The following CYSTM1 variants were observed in gnomAD, a reference collection of about 807,000 sequenced individuals.
CYSTM1 encodes cysteine rich transmembrane module containing 1, also known as cysteine-rich transmembrane module-containing protein 1.
In CYSTM1, 4 loss-of-function variants were observed where a neutral mutation model predicts 13.1. The ratio of observed to expected loss-of-function variants is 0.31; its 90% CI spans 0.15 to 0.70. The LOEUF (loss-of-function observed/expected upper bound fraction) is 0.70, where lower values mean the gene tolerates loss of function less well. CYSTM1 is among the 30% of genes least tolerant of loss of function. The pLI is 0.72. For synonymous variants in CYSTM1, 36 were observed against 42.7 expected (o/e 0.84, Z 0.62); for missense variants, 96 against 121.6 (o/e 0.79, Z 0.99).
intron 1 of CYSTM1, among the ~76,000 whole-genome samples, chr5:140,180,092 T>G (rs1199293201): frequency 6.6e-6 from 1 of 151,930 alleles, no homozygotes; most frequent in African/African-American, 2.4e-5. Context: ...ACAGCAAGAG[T>G]ATTATCAGAA....
At position 140,187,188 on chromosome 5, in the gene CYSTM1, C is replaced by G. The variant is rs62383937; in HGVS notation, c.-20-7258C>G. 7.5e-4 allele frequency among the ~76,000 whole-genome samples: 108 copies of G among 144,562 alleles called. No individual in the cohort carries two copies. In the Middle Eastern group the frequency reaches 0.022, roughly 29 times the overall value. 94.8% of individuals were successfully genotyped at this position (144,562 alleles called of 152,430 possible). Reference sequence around the variant, plus strand: ...TTCTAAAACTTTTTTTTTTTTTTACCTGAACAAACTGCACCCAAAATTATA... The same window carrying G: ...TTCTAAAACTTTTTTTTTTTTTTACGTGAACAAACTGCACCCAAAATTATA... On this transcript the variant is annotated intron_variant, in intron 1 of 2. Transcript: ENST00000261811.
chr5:140,190,956 C>G (rs1213703574), intron 1 of CYSTM1, among the ~76,000 whole-genome samples: 1 of 152,230 alleles, frequency 6.6e-6, no homozygotes, highest in African/African-American at 2.4e-5. Flanking sequence ...TTACAAAGTT[C>G]AGTATCATAC....
chr5:140,217,094 C>CT (rs756981239), intron 2 of CYSTM1, among the ~76,000 whole-genome samples: 2 of 151,742 alleles, frequency 1.3e-5, no homozygotes, highest in Non-Finnish European at 2.9e-5. Flanking sequence ...TTTTTTCTTT[C>CT]TTTTTTAAGT....
At chr5:140,235,084 A>G (rs888186034) in intron 2 of CYSTM1, among the ~76,000 whole-genome samples, 8 of 151,536 alleles carry the variant, frequency 5.3e-5, no homozygotes, top group Non-Finnish European at 8.8e-5. Flanking sequence ...CTCCTGCCTC[A>G]GCCTCCTAAG....
At chr5:140,185,893 T>C (rs751232057) in intron 1 of CYSTM1, among the ~76,000 whole-genome samples, 24 of 152,218 alleles carry the variant, frequency 1.6e-4, no homozygotes, top group African/African-American at 3.6e-4. Context: ...ACTCTTCCGA[T>C]TGGGGAGTCA....
At chr5:140,209,681 C>G (rs988490293) in intron 2 of CYSTM1, among the ~76,000 whole-genome samples, 3 of 152,046 alleles carry the variant, frequency 2.0e-5, no homozygotes, top group African/African-American at 7.2e-5. Context: ...ACCTGCCTTG[C>G]CCTCCCAAAG....
At chr5:140,227,320 G>C (rs1348191080) in intron 2 of CYSTM1, among the ~76,000 whole-genome samples, 1 of 152,160 alleles carries the variant, frequency 6.6e-6, no homozygotes, top group Non-Finnish European at 1.5e-5. Flanking sequence ...CATGGGCAGG[G>C]GGGAGAGGGT....
chr5:140,176,993 C>T (rs768434540), intron 1 of CYSTM1, among the ~76,000 whole-genome samples: 1 of 144,222 alleles, frequency 6.9e-6, no homozygotes. Context: ...GGCGTGAACC[C>T]GGGAGGTGGA....
chr5:140,221,801 T>A (rs149135376), intron 2 of CYSTM1, among the ~76,000 whole-genome samples: 144 of 152,374 alleles, frequency 9.5e-4, no homozygotes, highest in African/African-American at 3.4e-3. Context: ...AAAGTCAGCT[T>A]TACTCACCAT....
chr5:140,180,672 C>G (rs1763951664), intron 1 of CYSTM1, among the ~76,000 whole-genome samples: 1 of 152,028 alleles, frequency 6.6e-6, no homozygotes, highest in Non-Finnish European at 1.5e-5. Context: ...TTTAGGCCTC[C>G]AAGTCAGATC....
At chr5:140,224,823 G>A (rs1764530029) in intron 2 of CYSTM1, among the ~76,000 whole-genome samples, 1 of 152,184 alleles carries the variant, frequency 6.6e-6, no homozygotes, top group South Asian at 2.1e-4. Context: ...GCCCAGCCTG[G>A]CATTGTGTTT....
intron 1 of CYSTM1, among the ~76,000 whole-genome samples, chr5:140,188,252 G>A (rs1019651776): frequency 6.6e-6 from 1 of 151,376 alleles, no homozygotes; most frequent in African/African-American, 2.4e-5. Context: ...TTTGCGGGGG[G>A]AAGGGGGGAG....
At chr5:140,180,362 G>A (rs902264629) in intron 1 of CYSTM1, among the ~76,000 whole-genome samples, 5 of 152,156 alleles carry the variant, frequency 3.3e-5, no homozygotes, top group African/African-American at 1.2e-4. Context: ...CTCTCATGAG[G>A]GAAATTCTGA....
chr5:140,240,207 T>C (rs555390028), intron 2 of CYSTM1, among the ~76,000 whole-genome samples: 1 of 152,290 alleles, frequency 6.6e-6, no homozygotes, highest in African/African-American at 2.4e-5. Context: ...TCTCCCTTTT[T>C]TCCGTCTTTT....
chr5:140,190,548 C>G (rs188669400), intron 1 of CYSTM1, among the ~76,000 whole-genome samples: 1 of 152,236 alleles, frequency 6.6e-6, no homozygotes, highest in Admixed American at 6.5e-5. Flanking sequence ...ACTTTACTGT[C>G]TGCAGAGTCA....
In CYSTM1 at chr5:140,243,680, A is replaced by G. The variant is rs1005834056; in HGVS notation, c.*269A>G. 1.3e-5 allele frequency: 4 copies of G among 297,764 alleles called. No individual in the cohort carries two copies. In the Admixed American group the frequency reaches 1.5e-4, roughly 11 times the overall value. The allele number at this position is 297,764 out of a possible 1,614,324, so 18.4% of individuals were successfully genotyped here. On this transcript the variant is annotated 3_prime_UTR_variant, in exon 3 of 3. Transcript: ENST00000261811. ...CAAAGGCTTAGTTGTGAAAAATATA[A>G]TTTTTAAATTATACATTCAAGGTAG...
intron 2 of CYSTM1, among the ~76,000 whole-genome samples, chr5:140,212,721 C>A (rs1426780059): frequency 2.6e-5 from 4 of 152,092 alleles, no homozygotes; most frequent in Non-Finnish European, 5.9e-5. Flanking sequence ...AATCCCAGCA[C>A]TTTGGGAGGC....
At position 140,187,316 on chromosome 5, in the gene CYSTM1, A is replaced by G. The variant is rs77963635; in HGVS notation, c.-20-7130A>G. On this transcript the variant is annotated intron_variant, in intron 1 of 2. Coordinates refer to ENST00000261811, the MANE Select transcript of CYSTM1 (RefSeq NM_032412.4). Reference sequence around the variant, plus strand: ...TAATGGGGAGTTAAAAAAAAAAAAAAGACACCGAGGTCTCTAGGGTAAGAT... The same window carrying G: ...TAATGGGGAGTTAAAAAAAAAAAAAGGACACCGAGGTCTCTAGGGTAAGAT... Among the ~76,000 whole-genome samples, 484 of 151,204 alleles carry G rather than the reference A, an allele frequency of 3.2e-3. 1 individual carries two copies. The highest frequency in any genetic ancestry group is 0.011 in the African/African-American group (468 of 41,292).
In CYSTM1 at chr5:140,178,441, C is replaced by CTTTTTTTTTTTTTTTTTT. The variant is rs577709524; in HGVS notation, c.-21+3164_-21+3181dup. Among the ~76,000 whole-genome samples, 180 of 52,670 alleles carry CTTTTTTTTTTTTTTTTTT rather than the reference C, an allele frequency of 3.4e-3. 29 individuals carry two copies. The highest frequency in any genetic ancestry group is 4.1e-3 in the African/African-American group (48 of 11,824). 34.6% of individuals were successfully genotyped at this position (52,670 alleles called of 152,430 possible). A position where few individuals can be genotyped will look rare whatever the true frequency, so the allele number is the denominator to read the frequency against. On this transcript the variant is annotated intron_variant, in intron 1 of 2. Coordinates refer to ENST00000261811, the MANE Select transcript of CYSTM1 (RefSeq NM_032412.4). ...TGGAAAAGCCCTATTCAAGTCCTTC[C>CTTTTTTTTTTTTTTTTTT]TTTTTTTTTTTTTTTTTTTTTTTTT...
Sources: allele counts gnomAD v4.1 joint callset (sites outside exome capture counted in the v4.1 genomes callset), GRCh38; gene constraint gnomAD v4.1.1; transcripts MANE v1.5; gene names NCBI Gene and HGNC (gene_info 2026-07-23, HGNC 2026-07-21).